PSPC1: variants seen among roughly 807,000 people sequenced by gnomAD.
The protein encoded by PSPC1 is paraspeckle protein 1.
In PSPC1, 14 loss-of-function variants were observed where a neutral mutation model predicts 51.6. The observed-to-expected ratio is 0.27, with a 90% confidence interval of 0.18 to 0.42. The LOEUF is 0.42. PSPC1 is among the 10% of genes least tolerant of loss of function. The pLI, the probability that PSPC1 is intolerant of heterozygous loss-of-function variation, is 1.00. For missense variants in PSPC1, 406 were observed against 701.1 expected, an observed-to-expected ratio of 0.58 and a Z score of 4.75; for synonymous variants, 193 against 231.9, an observed-to-expected ratio of 0.83 and a Z score of 1.53.
At chr13:19,730,946 G>GAAA (rs1168386647) in intron 5 of PSPC1, among the ~76,000 whole-genome samples, 1,711 of 25,194 alleles carry the variant, frequency 0.068, 61 homozygotes, top group Middle Eastern at 0.28. Context: ...CCCTGTCTCA[G>GAAA]AAAAAAAAAA....
At chr13:19,720,680 T>C (rs1007418155) in intron 6 of PSPC1, among the ~76,000 whole-genome samples, 1 of 152,258 alleles carries the variant, frequency 6.6e-6, no homozygotes, top group East Asian at 1.9e-4. Context: ...ATCATATCAA[T>C]TGGTTAAAAT....
chr13:19,673,728 TTCTC>T (rs915051286), downstream of PSPC1, among the ~76,000 whole-genome samples: 9 of 152,180 alleles, frequency 5.9e-5, no homozygotes, highest in South Asian at 2.1e-4. Context: ...AGGCGGGGCT[TTCTC>T]TCTAAGATAC....
intron 5 of PSPC1, among the ~76,000 whole-genome samples, chr13:19,730,969 A>AAAAC (rs1555236511): frequency 1.9e-4 from 28 of 146,704 alleles, no homozygotes; most frequent in Non-Finnish European, 2.0e-4. Context: ...AAAAAACAAA[A>AAAAC]AAAAAAAAAA....
At chr13:19,753,844 A>AT (rs930829539) in intron 3 of PSPC1, among the ~76,000 whole-genome samples, 3 of 152,176 alleles carry the variant, frequency 2.0e-5, no homozygotes, top group Non-Finnish European at 2.9e-5. Flanking sequence ...CCCTACTTGG[A>AT]TTTTTTTCTT....
intron 6 of PSPC1, among the ~76,000 whole-genome samples, chr13:19,694,547 T>C (rs1265811308): frequency 6.6e-6 from 1 of 152,238 alleles, no homozygotes; most frequent in African/African-American, 2.4e-5. Context: ...CTAATTCAGA[T>C]GCAAAATTTT....
At chr13:19,724,560 C>A (rs1883133975) in intron 6 of PSPC1, among the ~76,000 whole-genome samples, 1 of 152,088 alleles carries the variant, frequency 6.6e-6, no homozygotes, top group South Asian at 2.1e-4. Flanking sequence ...CTGACTAGAA[C>A]TAAAGGGATT....
intron 6 of PSPC1, among the ~76,000 whole-genome samples, chr13:19,722,751 G>A (rs1300264404): frequency 1.3e-5 from 2 of 151,992 alleles, no homozygotes; most frequent in Non-Finnish European, 2.9e-5. Flanking sequence ...CTGAGATCGC[G>A]CCACTGTACT....
chr13:19,699,635 A>C (rs1050704221), downstream of PSPC1, among the ~76,000 whole-genome samples: 2 of 152,024 alleles, frequency 1.3e-5, no homozygotes, highest in Non-Finnish European at 2.9e-5. Flanking sequence ...ATTAACCTAA[A>C]AATGTTGTTT....
chr13:19,782,415 G>C lies in PSPC1; in HGVS notation c.343C>G (p.Arg115Gly). 1 of 1,602,622 alleles carries C rather than the reference G, an allele frequency of 6.2e-7. No individual in the cohort carries two copies. The highest frequency in any genetic ancestry group is 8.5e-7 in the Non-Finnish European group (1 of 1,174,242). Reference protein sequence around the residue: ...YGEPSEVFINRDRGFGFIRLE... With the variant: ...YGEPSEVFINGDRGFGFIRLE... ...CGGATGAAGCCGAAGCCACGGTCCCGGTTGATGAAGACTTCGCTGGGCTCG... is the reference window on the plus strand; with the variant it reads ...CGGATGAAGCCGAAGCCACGGTCCCCGTTGATGAAGACTTCGCTGGGCTCG... The change falls in exon 1 of 9, where the codon CGG becomes GGG. Residue 115 changes from arginine to glycine, a missense_variant. Arg to Gly is a moderately radical substitution (Grantham distance 125). This residue lies in a region of PSPC1 where 180 missense variants were observed against 337.9 expected (regional missense o/e 0.53). Coordinates refer to ENST00000338910, the MANE Select transcript of PSPC1 (RefSeq NM_001354909.2). The surrounding 1 kb of genome is among the most constrained non-coding windows in gnomAD (Gnocchi z 4.5).
intron 5 of PSPC1, among the ~76,000 whole-genome samples, chr13:19,736,479 C>G (rs553512956): frequency 2.0e-5 from 3 of 151,888 alleles, no homozygotes; most frequent in Admixed American, 1.3e-4. Flanking sequence ...GTCAGCAGAT[C>G]GAGACCATCC....
intron 2 of PSPC1, among the ~76,000 whole-genome samples, chr13:19,769,433 T>C (rs1888404438): frequency 6.6e-6 from 1 of 152,208 alleles, no homozygotes; most frequent in Admixed American, 6.5e-5. Context: ...CATGAGCCTG[T>C]AGTCCCAGCT....
downstream of PSPC1, chr13:19,671,298 C>T: frequency 1.9e-6 from 3 of 1,603,082 alleles, no homozygotes; most frequent in South Asian, 1.1e-5. Context: ...AGGTGACAGT[C>T]CTTTCTTCAC....
At chr13:19,687,799 C>G (rs9508849) in intron 6 of PSPC1, among the ~76,000 whole-genome samples, 1 of 152,014 alleles carries the variant, frequency 6.6e-6, no homozygotes, top group Non-Finnish European at 1.5e-5. Context: ...ACTGCCAATC[C>G]CTAGGTATAT....
intron 6 of PSPC1, among the ~76,000 whole-genome samples, chr13:19,685,359 C>G (rs901292187): frequency 3.9e-5 from 6 of 152,302 alleles, no homozygotes; most frequent in Middle Eastern, 3.4e-3. Flanking sequence ...AAAGCACTCC[C>G]AATAATTTTG....
At chr13:19,760,679 T>C (rs1228162339) in intron 2 of PSPC1, among the ~76,000 whole-genome samples, 1 of 151,612 alleles carries the variant, frequency 6.6e-6, no homozygotes, top group Non-Finnish European at 1.5e-5. Context: ...GATGACGAGA[T>C]CCTGTCTCTA....
In PSPC1 at chr13:19,709,297, T is replaced by C. The variant is rs574922294; in HGVS notation, c.1216+245A>G. On this transcript the variant is annotated intron_variant, in intron 7 of 8. Coordinates refer to ENST00000338910, the MANE Select transcript of PSPC1 (RefSeq NM_001354909.2). The stretch of plus-strand genomic sequence containing the variant: ...CAACCTGGTTTATATGTTTCTTTCA[T>C]TAAGCCTATGAATGTATAACACATC... Among the ~76,000 whole-genome samples the C allele has an allele frequency of 2.6e-5, 4 of 152,314 alleles. No individual in the cohort carries two copies. The East Asian group carries it at 5.8e-4, about 22-fold the overall frequency.
At chr13:19,702,351 C>T (rs1213040074), downstream of PSPC1, 1 of 152,144 alleles carries the variant, frequency 6.6e-6, no homozygotes, top group African/African-American at 2.4e-5. Flanking sequence ...GCCAACCCAA[C>T]AGTATTGTTT....
intron 2 of PSPC1, among the ~76,000 whole-genome samples, chr13:19,762,263 C>A (rs186527828): frequency 6.6e-6 from 1 of 152,262 alleles, no homozygotes; most frequent in Admixed American, 6.5e-5. Context: ...AACCAGTGAG[C>A]AAAGATCAAT....
At chr13:19,722,059 T>C (rs1201608927) in intron 6 of PSPC1, among the ~76,000 whole-genome samples, 1 of 152,228 alleles carries the variant, frequency 6.6e-6, no homozygotes, top group Non-Finnish European at 1.5e-5. Context: ...AGCTACTTAA[T>C]TCTCTCAGTT....
Sources: allele counts gnomAD v4.1 joint callset (sites outside exome capture counted in the v4.1 genomes callset), GRCh38; gene constraint gnomAD v4.1.1; regional missense constraint gnomAD v4.1.1; non-coding constraint Gnocchi (gnomAD v3.1); transcripts MANE v1.5; gene names NCBI Gene and HGNC (gene_info 2026-07-23, HGNC 2026-07-21).